SUGCT: variants seen among roughly 807,000 people sequenced by gnomAD.
The protein encoded by SUGCT is succinyl-CoA:glutarate CoA-transferase.
A neutral mutation model predicts 55.0 loss-of-function variants in SUGCT; 41 were observed. That is an observed-to-expected ratio of 0.74 (90% CI 0.58 to 0.97). The LOEUF is 0.97. Ranked by LOEUF, SUGCT falls within the 50% of genes least tolerant of loss-of-function variation. SUGCT has a pLI of 0.00. For missense variants in SUGCT, 568 were observed against 547.8 expected (o/e 1.04, Z -0.37); for synonymous variants, 187 against 200.4 (o/e 0.93, Z 0.56).
chr7:40,292,519 T>C (rs1335109429), intron 8 of SUGCT, among the ~76,000 whole-genome samples: 5 of 152,224 alleles, frequency 3.3e-5, no homozygotes, highest in African/African-American at 1.2e-4. Context: ...GAGTCCTTTA[T>C]GAAATGATGA....
intron 9 of SUGCT, among the ~76,000 whole-genome samples, chr7:40,340,481 G>T (rs1027969002): frequency 6.6e-6 from 1 of 152,116 alleles, no homozygotes; most frequent in Non-Finnish European, 1.5e-5. Context: ...TTAAAAGTCT[G>T]TAACTTGTAA....
At chr7:40,764,617 CA>C (rs1353873971) in intron 13 of SUGCT, among the ~76,000 whole-genome samples, 5 of 152,044 alleles carry the variant, frequency 3.3e-5, no homozygotes, top group African/African-American at 1.2e-4. Flanking sequence ...ATTCTGGAAT[CA>C]ATTCAAGAGA....
chr7:40,492,369 G>C (rs537041195), intron 11 of SUGCT, among the ~76,000 whole-genome samples: 1 of 152,188 alleles, frequency 6.6e-6, no homozygotes, highest in African/African-American at 2.4e-5. Context: ...GAGGCAAAGC[G>C]TATGTTGCCT....
chr7:40,561,949 C>A (rs1352334817), intron 12 of SUGCT, among the ~76,000 whole-genome samples: 2 of 150,322 alleles, frequency 1.3e-5, no homozygotes, highest in Non-Finnish European at 3.0e-5. Flanking sequence ...CTCAGCCTCC[C>A]AAAGTGCTGG....
intron 12 of SUGCT, among the ~76,000 whole-genome samples, chr7:40,559,615 CT>C (rs1309616170): frequency 6.6e-6 from 1 of 152,186 alleles, no homozygotes; most frequent in Non-Finnish European, 1.5e-5. Context: ...ATAAGTTTGA[CT>C]AATCTCTGTA....
intron 1 of SUGCT, among the ~76,000 whole-genome samples, chr7:40,169,740 C>CTT (rs879582959): frequency 2.1e-5 from 3 of 145,078 alleles, no homozygotes; most frequent in South Asian, 2.2e-4. Context: ...AAGTGGTGGC[C>CTT]TTTTTTTTTT....
the SUGCT span, chr7:40,979,891 G>C: frequency 3.9e-5 from 6 of 152,216 alleles, no homozygotes; most frequent in African/African-American, 1.4e-4. Context: ...AAAATCCTCA[G>C]GTAAGGCTTC....
intron 9 of SUGCT, among the ~76,000 whole-genome samples, chr7:40,332,459 T>C (rs554252674): frequency 6.6e-6 from 1 of 151,850 alleles, no homozygotes; most frequent in East Asian, 1.9e-4. Context: ...TTTTTTGTTT[T>C]TTTTTTTTTA....
At chr7:40,432,212 T>G (rs983854798) in intron 9 of SUGCT, among the ~76,000 whole-genome samples, 1 of 152,196 alleles carries the variant, frequency 6.6e-6, no homozygotes, top group African/African-American at 2.4e-5. Context: ...CTTCTATAGA[T>G]TTCCTCATTT....
chr7:40,436,574 C>T (rs1788189113), intron 9 of SUGCT, among the ~76,000 whole-genome samples: 1 of 152,218 alleles, frequency 6.6e-6, no homozygotes, highest in South Asian at 2.1e-4. Context: ...TTGACTAAAG[C>T]TCTGTTCTAT....
At chr7:40,479,027 A>G (rs1311746495) in intron 11 of SUGCT, among the ~76,000 whole-genome samples, 5 of 151,938 alleles carry the variant, frequency 3.3e-5, no homozygotes, top group Admixed American at 3.3e-4. Context: ...TTTATTTTTT[A>G]TGACTGAATG....
intron 12 of SUGCT, among the ~76,000 whole-genome samples, chr7:40,553,859 G>A (rs1199476194): frequency 6.6e-6 from 1 of 152,182 alleles, no homozygotes; most frequent in African/African-American, 2.4e-5. Flanking sequence ...CCCTGCCCTG[G>A]GAACTTAGAC....
intron 11 of SUGCT, among the ~76,000 whole-genome samples, chr7:40,473,788 T>C (rs1247328114): frequency 6.6e-6 from 1 of 152,182 alleles, no homozygotes; most frequent in Non-Finnish European, 1.5e-5. Context: ...AGAGATATTA[T>C]TGCAAATGGT....
At chr7:40,429,070 A>G (rs1446429723) in intron 9 of SUGCT, among the ~76,000 whole-genome samples, 1 of 152,146 alleles carries the variant, frequency 6.6e-6, no homozygotes, top group African/African-American at 2.4e-5. Flanking sequence ...AGAGAATAAA[A>G]TGGTTACTAT....
At chr7:40,268,800 G>A (rs551365459) in intron 7 of SUGCT, among the ~76,000 whole-genome samples, 30 of 151,966 alleles carry the variant, frequency 2.0e-4, no homozygotes, top group Admixed American at 1.6e-3. Context: ...CACCGTGCCC[G>A]GTTAATTTTT....
chr7:40,389,915 A>T (rs1019644769), intron 9 of SUGCT, among the ~76,000 whole-genome samples: 1 of 152,232 alleles, frequency 6.6e-6, no homozygotes, highest in Non-Finnish European at 1.5e-5. Flanking sequence ...ATCCAGCAGC[A>T]CATCAAAAAG....
chr7:40,284,451 T>G (rs557957212), intron 8 of SUGCT, among the ~76,000 whole-genome samples: 1 of 151,774 alleles, frequency 6.6e-6, no homozygotes, highest in African/African-American at 2.4e-5. Flanking sequence ...CTACTAAAAA[T>G]ACAAAAATTA....
intron 6 of SUGCT, among the ~76,000 whole-genome samples, chr7:40,213,106 G>GT (rs199507748): frequency 6.6e-6 from 1 of 151,936 alleles, no homozygotes; most frequent in Non-Finnish European, 1.5e-5. Context: ...TATTTTTAAT[G>GT]TTTTTTTATG....
chr7:40,199,399 G>A (rs1350795999), intron 6 of SUGCT, among the ~76,000 whole-genome samples: 2 of 152,098 alleles, frequency 1.3e-5, no homozygotes, highest in Non-Finnish European at 2.9e-5. Context: ...GCACATTAGG[G>A]GGCAGTGTTT....
Sources: gnomAD v4.1 joint callset for allele counts (sites outside exome capture counted in the v4.1 genomes callset) on GRCh38, gnomAD v4.1.1 for gene constraint, MANE v1.5 for transcripts, NCBI Gene and HGNC (gene_info 2026-07-23, HGNC 2026-07-21) for gene names.